The following BAZ1A variants were observed in gnomAD, a reference collection of about 807,000 sequenced individuals.
The protein encoded by BAZ1A is bromodomain adjacent to zinc finger domain 1A.
In BAZ1A, 50 loss-of-function variants were observed where a neutral mutation model predicts 185.2. That is an observed-to-expected ratio of 0.27 (90% CI 0.22 to 0.34). BAZ1A has a LOEUF of 0.34. Among genes scored for constraint, BAZ1A ranks in the 10% least tolerant of loss-of-function variants. BAZ1A has a pLI of 1.00. For synonymous variants in BAZ1A, 571 were observed against 615.6 expected (o/e 0.93, Z 1.07); for missense variants, 1,356 against 1,839.9 (o/e 0.74, Z 4.81).
chr14:34,783,792 T>A lies in BAZ1A; in HGVS notation c.1967A>T (p.His656Leu). The change falls in exon 15 of 27, where the codon CAT becomes CTT. Residue 656 changes from histidine (H) to leucine (L), a missense_variant. Coordinates refer to ENST00000360310, the MANE Select transcript of BAZ1A (RefSeq NM_013448.3). Reference sequence around the variant, plus strand: ...AGCTGCTTCTTCCCTCTCTTTTCGATGTTGTTCTGCTTTTAATTCCCGGAA... The same window carrying A: ...AGCTGCTTCTTCCCTCTCTTTTCGAAGTTGTTCTGCTTTTAATTCCCGGAA... ...QEFRELKAEQ[H>L]RKEREEAAAR... The A allele has an allele frequency of 1.2e-6, 2 of 1,612,502 alleles. No individual in the cohort carries two copies. Among genetic ancestry groups the A allele is most frequent in the Non-Finnish European group, 1.7e-6 (2 of 1,179,642 alleles).
intron 4 of BAZ1A, among the ~76,000 whole-genome samples, chr14:34,821,836 T>C (rs2042094761): frequency 6.6e-6 from 1 of 151,544 alleles, no homozygotes; most frequent in Non-Finnish European, 1.5e-5. Context: ...AATACAAAAT[T>C]AGCCGGGTGT....
intron 17 of BAZ1A, among the ~76,000 whole-genome samples, chr14:34,776,935 C>G (rs915959454): frequency 1.3e-5 from 2 of 152,158 alleles, no homozygotes; most frequent in Admixed American, 1.3e-4. Flanking sequence ...TTGTTTAACC[C>G]ACCCCAGTCT....
chr14:34,826,101 T>C lies in BAZ1A; in HGVS notation c.448A>G (p.Asn150Asp). 6.2e-7 allele frequency: 1 copy of C among 1,612,654 alleles called. No individual in the cohort carries two copies. Reference sequence around the variant, plus strand: ...CCATCCACACTGTTAACATGTCCATTAGCAAAACCATTTTGATGTGATGGA... The same window carrying C: ...CCATCCACACTGTTAACATGTCCATCAGCAAAACCATTTTGATGTGATGGA... ...LPPSHQNGFANGHVNSVDGET... is the reference protein window; with the variant it reads ...LPPSHQNGFADGHVNSVDGET... The change falls in exon 4 of 27, where the codon AAT (asparagine) becomes GAT (aspartate). Residue 150 changes from asparagine to aspartate, a missense_variant. By Grantham distance (23) the Asn-to-Asp change is conservative. Transcript: ENST00000360310.
intron 18 of BAZ1A, among the ~76,000 whole-genome samples, chr14:34,775,639 T>G (rs531510343): frequency 1.3e-5 from 2 of 152,252 alleles, no homozygotes; most frequent in Admixed American, 1.3e-4. Flanking sequence ...GGTTTCAGAG[T>G]CTACTGACCA....
intron 3 of BAZ1A, among the ~76,000 whole-genome samples, chr14:34,832,159 T>C (rs752540938): frequency 6.9e-6 from 1 of 144,370 alleles, no homozygotes; most frequent in Non-Finnish European, 1.5e-5. Context: ...TATGTATGTA[T>C]GTGTATGTGT....
chr14:34,854,570 C>T (rs1478760052), intron 3 of BAZ1A, among the ~76,000 whole-genome samples: 1 of 152,038 alleles, frequency 6.6e-6, no homozygotes, highest in Non-Finnish European at 1.5e-5. Context: ...TATTACTCCC[C>T]CAGTAAAATG....
At chr14:34,815,713 A>G (rs916125122) in intron 4 of BAZ1A, among the ~76,000 whole-genome samples, 4 of 152,190 alleles carry the variant, frequency 2.6e-5, no homozygotes, top group African/African-American at 9.7e-5. Context: ...AAGTTATAAA[A>G]AATTAAACAA....
At chr14:34,856,766 G>A (rs2042685956) in intron 3 of BAZ1A, among the ~76,000 whole-genome samples, 2 of 150,498 alleles carry the variant, frequency 1.3e-5, no homozygotes, top group African/African-American at 2.4e-5. Context: ...GGTGAGGCAG[G>A]AGAATCGCCT....
intron 21 of BAZ1A, among the ~76,000 whole-genome samples, chr14:34,767,971 A>G (rs778003920): frequency 2.6e-5 from 4 of 152,214 alleles, no homozygotes; most frequent in Admixed American, 6.5e-5. Context: ...ATTCTAGTCC[A>G]TAATGAATGT....
rs1296071670 is a variant in BAZ1A at position 34,773,808 on chromosome 14, A to C, written c.2998-82T>G. The C allele has an allele frequency of 7.7e-6, 10 of 1,303,974 alleles. No individual in the cohort carries two copies. In the Admixed American group the frequency reaches 8.5e-5, roughly 11 times the overall value. 80.8% of individuals were successfully genotyped at this position (1,303,974 alleles called of 1,614,324 possible). The stretch of plus-strand genomic sequence containing the variant: ...GGTATGAAGTTCAATATGCATATAA[A>C]ATCAATTCATGGATATTTTAGAAAT... On this transcript the variant is annotated intron_variant, in intron 19 of 26. Transcript: ENST00000360310.
At chr14:34,806,016 T>G (rs1881838084) in intron 6 of BAZ1A, among the ~76,000 whole-genome samples, 1 of 152,124 alleles carries the variant, frequency 6.6e-6, no homozygotes, top group African/African-American at 2.4e-5. Flanking sequence ...GTATTTTTTT[T>G]TCTATTTCTC....
chr14:34,863,152 C>CATTTTTTTTTTTTTTTT (rs1566603150), intron 2 of BAZ1A, among the ~76,000 whole-genome samples: 1 of 44,690 alleles, frequency 2.2e-5, no homozygotes. Context: ...CCACGCTCGG[C>CATTTTTTTTTTTTTTTT]TTTTTTTTTT....
At chr14:34,864,457 T>G (rs953133983) in intron 2 of BAZ1A, among the ~76,000 whole-genome samples, 1 of 151,588 alleles carries the variant, frequency 6.6e-6, no homozygotes, top group Non-Finnish European at 1.5e-5. Flanking sequence ...TTAAATTTTT[T>G]TAATGAGCAT....
At chr14:34,839,102 G>C (rs1306192078) in intron 3 of BAZ1A, among the ~76,000 whole-genome samples, 2 of 152,110 alleles carry the variant, frequency 1.3e-5, no homozygotes, top group African/African-American at 4.8e-5. Flanking sequence ...TTCTGGAAAA[G>C]GCAAACTTCA....
chr14:34,812,926 T>C (rs1220195752), intron 4 of BAZ1A, among the ~76,000 whole-genome samples: 2 of 152,126 alleles, frequency 1.3e-5, no homozygotes, highest in African/African-American at 4.8e-5. Flanking sequence ...AGTAGATGTA[T>C]TTAAATATGC....
intron 3 of BAZ1A, among the ~76,000 whole-genome samples, chr14:34,840,709 G>A (rs1001292797): frequency 2.0e-5 from 3 of 151,794 alleles, no homozygotes; most frequent in African/African-American, 7.3e-5. Context: ...GTGAGCCAAA[G>A]TTGCACCACT....
intron 3 of BAZ1A, among the ~76,000 whole-genome samples, chr14:34,835,694 CAG>C (rs1447226257): frequency 2.9e-4 from 42 of 146,812 alleles, no homozygotes; most frequent in African/African-American, 9.9e-4. Flanking sequence ...TTTCCTGAGA[CAG>C]AGTTTCTCTC....
intron 3 of BAZ1A, among the ~76,000 whole-genome samples, chr14:34,826,396 C>G (rs2042165919): frequency 6.6e-6 from 1 of 152,106 alleles, no homozygotes; most frequent in Non-Finnish European, 1.5e-5. Flanking sequence ...TATATTATTT[C>G]CTTCCTTCTG....
At chr14:34,808,370 T>G (rs2041882224) in intron 5 of BAZ1A, among the ~76,000 whole-genome samples, 1 of 151,898 alleles carries the variant, frequency 6.6e-6, no homozygotes, top group Admixed American at 6.6e-5. Flanking sequence ...TAGTGGCACA[T>G]GCCTGTAATC....
Sources: allele counts gnomAD v4.1 joint callset (sites outside exome capture counted in the v4.1 genomes callset), GRCh38; gene constraint gnomAD v4.1.1; transcripts MANE v1.5; gene names NCBI Gene and HGNC (gene_info 2026-07-23, HGNC 2026-07-21).